The following LLGL1 variants were observed in gnomAD, a reference collection of about 807,000 sequenced individuals.
LLGL1 encodes the protein LLGL scribble cell polarity complex component 1.
Under a neutral mutation model 110.6 loss-of-function variants are expected in LLGL1, and 58 were observed. The observed-to-expected ratio is 0.52, with a 90% CI of 0.42 to 0.65. The LOEUF (loss-of-function observed/expected upper bound fraction) is 0.65, where lower values mean the gene tolerates loss of function less well. Ranked by LOEUF, LLGL1 falls within the 30% of genes least tolerant of loss-of-function variation. The probability of loss-of-function intolerance (pLI) is 0.00; values close to 1 mark genes in which losing one functional copy is unlikely to be tolerated. For missense variants in LLGL1, 1,229 were observed against 1,462.1 expected (o/e 0.84, Z 2.60); for synonymous variants, 674 against 607.2 (o/e 1.11, Z -1.62).
chr17:18,242,479 G>C (rs375527527), intron 20 of LLGL1, 29 bp from the exon 21 acceptor site: 119 of 1,613,240 alleles, frequency 7.4e-5, no homozygotes, highest in Non-Finnish European at 9.6e-5. Context: ...TAAGGGTCCT[G>C]GTAGGGGCTG....
chr17:18,237,195 G>A, intron 13 of LLGL1: 3 of 596,212 alleles, frequency 5.0e-6, no homozygotes, highest in Non-Finnish European at 9.0e-6. Context: ...GGTGCTCAAT[G>A]TGTCCTTATT....
At chr17:18,234,499 G>A (rs1196015745) in intron 7 of LLGL1, 91 bp downstream of exon 7, 8 of 1,582,780 alleles carry the variant, frequency 5.1e-6, no homozygotes, top group Non-Finnish European at 6.9e-6. Context: ...ACTTCCCCGA[G>A]GGGGTGGTCT....
Position 18,237,771 on chromosome 17 carries a change from C to T in LLGL1, c.1902C>T (p.Ala634=). ...FDYQRKSPVL[A]RCTLHPNDSL... ...ACCAGCGCAAGAGCCCTGTGCTGGC[C>T]AGGTGTGTGGGGTGGGGCCGGCTGG... The change falls in exon 14 of 23, where the codon GCC becomes GCT. Residue 634 remains alanine (A), a splice_region_variant and synonymous_variant. Coordinates refer to ENST00000316843, the MANE Select transcript of LLGL1 (RefSeq NM_004140.4). 6 of 1,600,354 alleles carry T rather than the reference C, an allele frequency of 3.7e-6. No homozygotes were observed. The highest frequency in any genetic ancestry group is 5.1e-6 in the Non-Finnish European group (6 of 1,171,138).
rs568584647 is a variant in LLGL1 at position 18,231,573 on chromosome 17, A to G, written c.180-922A>G. 1.6e-4 allele frequency among the ~76,000 whole-genome samples: 24 copies of G among 152,328 alleles called. No individual in the cohort carries two copies. In the South Asian group the frequency reaches 4.6e-3, roughly 29 times the overall value. ...CCACCCCCTCCAAGTCTGTGTGCTCATCTGTGAAATGGGCAGGCTGGAGTC... is the reference window on the plus strand; with the variant it reads ...CCACCCCCTCCAAGTCTGTGTGCTCGTCTGTGAAATGGGCAGGCTGGAGTC... On this transcript the variant is annotated intron_variant, in intron 2 of 22. Coordinates refer to ENST00000316843, the MANE Select transcript of LLGL1 (RefSeq NM_004140.4).
intron 17 of LLGL1, 39 bp from the exon 18 acceptor site, chr17:18,241,412 C>T (rs1441127266): frequency 6.3e-7 from 1 of 1,591,864 alleles, no homozygotes; most frequent in Non-Finnish European, 8.6e-7. Context: ...GGGACGAGGA[C>T]AGGGCCAGGC....
Position 18,242,834 on chromosome 17 carries a change from G to C in LLGL1, c.*1+12G>C. The stretch of plus-strand genomic sequence containing the variant: ...CCTGATCAAATGAGGTGCTGCAGGG[G>C]TGGGGCCCTGGTCCTCACCACTGGT... On this transcript the variant is annotated intron_variant, in intron 22 of 22. Transcript: ENST00000316843. 6.5e-7 allele frequency: 1 copy of C among 1,544,536 alleles called. No homozygotes were observed. Among genetic ancestry groups the C allele is most frequent in the Admixed American group, 2.0e-5 (1 of 49,934 alleles).
At chr17:18,242,844 G>T in intron 22 of LLGL1, 22 bp downstream of exon 22, 1 of 1,537,592 alleles carries the variant, frequency 6.5e-7, no homozygotes. Context: ...GTGGGGCCCT[G>T]GTCCTCACCA....
At chr17:18,227,536 G>T (rs530267188) in intron 1 of LLGL1, among the ~76,000 whole-genome samples, 1 of 152,220 alleles carries the variant, frequency 6.6e-6, no homozygotes, top group South Asian at 2.1e-4. Context: ...ACAGGCTCGT[G>T]TCACCATGCC....
Position 18,240,700 on chromosome 17 carries a change from G to C in LLGL1, c.2329G>C (p.Val777Leu), listed in dbSNP as rs200044915. ...EKRPEQAVEA[V>L]LGKEVQLMHR... The stretch of plus-strand genomic sequence containing the variant: ...GCGGCCTGAGCAAGCGGTGGAGGCC[G>C]TGCTGGGCAAGGAGGTGCAGCTGAT... The change falls in exon 17 of 23, where the codon GTG becomes CTG. Residue 777 changes from valine to leucine, a missense_variant. Transcript: ENST00000316843. The surrounding 1 kb of genome is among the most constrained non-coding windows in gnomAD (Gnocchi z 5.3). 1.4e-4 allele frequency: 224 copies of C among 1,612,924 alleles called. No homozygotes were observed. Among genetic ancestry groups the C allele is most frequent in the Non-Finnish European group, 1.5e-4 (180 of 1,179,834 alleles).
chr17:18,243,681 GCT>G (rs755037401), intron 22 of LLGL1, among the ~76,000 whole-genome samples: 71 of 152,334 alleles, frequency 4.7e-4, no homozygotes, highest in Non-Finnish European at 8.8e-4. Context: ...ACACCTCCCA[GCT>G]CTTTGTCTGG....
At chr17:18,230,531 G>T (rs1486650652) in intron 2 of LLGL1, among the ~76,000 whole-genome samples, 1 of 147,088 alleles carries the variant, frequency 6.8e-6, no homozygotes, top group Non-Finnish European at 1.5e-5. Context: ...ACTGGCTGCT[G>T]CACAATGGGC....
intron 1 of LLGL1, among the ~76,000 whole-genome samples, 171 bp from the exon 2 acceptor site, chr17:18,229,770 G>GAT (rs1052558068): frequency 6.6e-6 from 1 of 152,180 alleles, no homozygotes; most frequent in African/African-American, 2.4e-5. Context: ...CTGGAGGCAT[G>GAT]ATAACCCATT....
At chr17:18,232,231 C>T (rs1369376329) in intron 2 of LLGL1, among the ~76,000 whole-genome samples, 1 of 152,212 alleles carries the variant, frequency 6.6e-6, no homozygotes, top group African/African-American at 2.4e-5. Context: ...GAGTCACTGG[C>T]CCAATTTACG....
At chr17:18,242,102 A>G (rs1014115581) in intron 19 of LLGL1, 64 bp from the exon 20 acceptor site, 111 of 1,541,296 alleles carry the variant, frequency 7.2e-5, no homozygotes, top group Non-Finnish European at 8.3e-5. Context: ...TGGGAGGGCA[A>G]GGATCTAGCG....
At chr17:18,236,373 T>G in intron 11 of LLGL1, 1 of 519,582 alleles carries the variant, frequency 1.9e-6, no homozygotes, top group Non-Finnish European at 3.4e-6. Context: ...ATTTCCACCT[T>G]GTTTGGTTTA....
intron 2 of LLGL1, among the ~76,000 whole-genome samples, chr17:18,230,284 T>A (rs946821175): frequency 6.6e-6 from 1 of 152,160 alleles, no homozygotes; most frequent in African/African-American, 2.4e-5. Flanking sequence ...AGCACAGCTG[T>A]CCCTTGCTAC....
At chr17:18,234,797 A>G in intron 8 of LLGL1, 42 bp from the exon 9 acceptor site, 1 of 1,613,726 alleles carries the variant, frequency 6.2e-7, no homozygotes, top group Non-Finnish European at 8.5e-7. Context: ...TGTGCTCTGG[A>G]CCCAAGTGGT....
chr17:18,225,754 C>T lies in LLGL1; in HGVS notation c.72C>T (p.Ala24=), dbSNP rs1407453513. The part of the protein sequence containing the change: ...QREKLKQELF[A]FNKTVEHGFP... ...AGAAGCTCAAGCAGGAGCTTTTCGC[C>T]TTCAACAAGGTGCGGCGGCGGCCCG... is the stretch of plus-strand genomic sequence containing the variant. Residue 24 remains alanine (A), a synonymous_variant, in exon 1 of 23, where the codon GCC becomes GCT. Transcript: ENST00000316843. 43 of 1,023,388 alleles carry T rather than the reference C, an allele frequency of 4.2e-5. No homozygotes were observed. Among genetic ancestry groups the T allele is most frequent in the Admixed American group, 1.0e-4 (2 of 19,174 alleles). 63.4% of individuals were successfully genotyped at this position (1,023,388 alleles called of 1,614,324 possible). A position where few individuals can be genotyped will look rare whatever the true frequency, so the allele number is the denominator to read the frequency against.
Position 18,229,937 on chromosome 17 carries a change from G to T in LLGL1, c.82-4G>T, listed in dbSNP as rs2047531597. ...TACCCCCAGCAGCCCTCCCCTCCTT[G>T]CAGACTGTGGAGCATGGCTTCCCCA... is the stretch of plus-strand genomic sequence containing the variant. On this transcript the variant is annotated splice_region_variant and splice_polypyrimidine_tract_variant and intron_variant, in intron 1 of 22. Transcript: ENST00000316843. 3 of 1,604,218 alleles carry T rather than the reference G, an allele frequency of 1.9e-6. No individual in the cohort carries two copies. The highest frequency in any genetic ancestry group is 8.5e-7 in the Non-Finnish European group (1 of 1,176,318).
Sources: allele counts gnomAD v4.1 joint callset (sites outside exome capture counted in the v4.1 genomes callset), GRCh38; gene constraint gnomAD v4.1.1; non-coding constraint Gnocchi (gnomAD v3.1); transcripts MANE v1.5; gene names NCBI Gene and HGNC (gene_info 2026-07-23, HGNC 2026-07-21).